DIS3L2: variants seen among roughly 807,000 people sequenced by gnomAD.
The protein encoded by DIS3L2 is DIS3 like 3'-5' exoribonuclease 2.
In DIS3L2, 34 loss-of-function variants were observed where a neutral mutation model predicts 97.5. The observed-to-expected ratio is 0.35, with a 90% CI of 0.27 to 0.46. The LOEUF is 0.46. Among genes scored for constraint, DIS3L2 ranks in the 20% least tolerant of loss-of-function variants. DIS3L2 has a pLI of 1.00. For synonymous variants in DIS3L2, 435 were observed against 445.2 expected (o/e 0.98, Z 0.29); for missense variants, 1,038 against 1,146.0 (o/e 0.91, Z 1.36).
chr2:231,963,323 GATA>G (rs1692621129), intron 1 of DIS3L2, among the ~76,000 whole-genome samples: 1 of 152,178 alleles, frequency 6.6e-6, no homozygotes, highest in African/African-American at 2.4e-5. Context: ...GCATTTCTCT[GATA>G]ATTAGTCATG....
downstream of DIS3L2, chr2:232,339,642 A>T: frequency 2.2e-6 from 1 of 447,378 alleles, no homozygotes; most frequent in South Asian, 1.6e-5. Flanking sequence ...TTCAGAGAAC[A>T]AGGCCTACAA....
rs760452178 is a variant in DIS3L2, at chr2:232,210,360, G to A, written c.1159G>A (p.Ala387Thr). 18 of 1,613,348 alleles carry A rather than the reference G, an allele frequency of 1.1e-5. No individual in the cohort carries two copies. Among genetic ancestry groups the A allele is most frequent in the East Asian group, 6.7e-5 (3 of 44,862 alleles). ...DCIFTIDPST[A>T]RDLDDALSCK... is the part of the protein sequence containing the mutation. ...TATCTTCACCATTGACCCATCAACC[G>A]CCCGAGACCTCGATGATGCCCTCTC... Residue 387 changes from alanine (A) to threonine (T), a missense_variant, in exon 10 of 21, where the codon GCC (alanine) becomes ACC (threonine). Transcript: ENST00000325385.
chr2:232,145,053 G>A (rs1381070065), intron 8 of DIS3L2, among the ~76,000 whole-genome samples: 1 of 152,050 alleles, frequency 6.6e-6, no homozygotes, highest in African/African-American at 2.4e-5. Context: ...CTGTATTTTT[G>A]GAAAGATTTT....
intron 10 of DIS3L2, among the ~76,000 whole-genome samples, chr2:232,212,613 T>C (rs1465128219): frequency 1.3e-5 from 2 of 152,160 alleles, no homozygotes; most frequent in Non-Finnish European, 2.9e-5. Flanking sequence ...TCAGACCAAA[T>C]AGTGTTTTTT....
rs1476864860 is a variant in DIS3L2 at position 232,293,295 on chromosome 2, G to A, written c.1660-6745G>A. Among the ~76,000 whole-genome samples the A allele has an allele frequency of 2.0e-5, 3 of 152,162 alleles. No homozygotes were observed. The highest frequency in any genetic ancestry group is 4.4e-5 in the Non-Finnish European group (3 of 68,044). On this transcript the variant is annotated intron_variant, in intron 13 of 20. Coordinates refer to ENST00000325385, the MANE Select transcript of DIS3L2 (RefSeq NM_152383.5). This position sits in a 1 kb window ranked among gnomAD's most constrained non-coding sequence, Gnocchi z 4.6. ...AGACGTGAGGCAGAATTTATTTACT[G>A]AAGAAAAAGAAATTATTTTGAAGGA... is the stretch of plus-strand genomic sequence containing the variant.
At chr2:232,257,936 G>T (rs149604741) in intron 12 of DIS3L2, among the ~76,000 whole-genome samples, 1 of 152,142 alleles carries the variant, frequency 6.6e-6, no homozygotes, top group East Asian at 1.9e-4. Flanking sequence ...GGTCTTGGCC[G>T]CCACTTAGGA....
At chr2:232,039,495 G>C (rs186800536) in intron 5 of DIS3L2, among the ~76,000 whole-genome samples, 6 of 152,230 alleles carry the variant, frequency 3.9e-5, no homozygotes, top group Non-Finnish European at 8.8e-5. Flanking sequence ...AAAAACAACA[G>C]TTCTTTTCGT....
intron 6 of DIS3L2, among the ~76,000 whole-genome samples, chr2:232,103,282 C>T (rs1161770752): frequency 2.0e-5 from 3 of 151,988 alleles, no homozygotes; most frequent in Non-Finnish European, 4.4e-5. Context: ...AACTGTGTTG[C>T]ATAATAGTGG....
chr2:232,169,411 C>G (rs1386729812), intron 9 of DIS3L2, among the ~76,000 whole-genome samples: 1 of 151,912 alleles, frequency 6.6e-6, no homozygotes, highest in Non-Finnish European at 1.5e-5. Context: ...CAACCAAGGG[C>G]CAGCCCCTGT....
intron 10 of DIS3L2, among the ~76,000 whole-genome samples, chr2:232,216,461 T>C (rs1257107552): frequency 6.6e-6 from 1 of 152,184 alleles, no homozygotes. Context: ...TGTGCCTGGT[T>C]TCCCCTTTCC....
intron 5 of DIS3L2, among the ~76,000 whole-genome samples, chr2:232,081,741 C>T (rs1036340274): frequency 6.6e-6 from 1 of 152,166 alleles, no homozygotes; most frequent in Non-Finnish European, 1.5e-5. Flanking sequence ...TTGTCCATTT[C>T]CTGCTCCAGA....
intron 8 of DIS3L2, among the ~76,000 whole-genome samples, chr2:232,138,605 A>C (rs1356531843): frequency 6.6e-6 from 1 of 152,136 alleles, no homozygotes; most frequent in Non-Finnish European, 1.5e-5. Context: ...TGTTCTGGTT[A>C]TCCGTTACTG....
intron 8 of DIS3L2, among the ~76,000 whole-genome samples, chr2:232,154,849 A>C (rs1331357099): frequency 1.2e-5 from 1 of 84,840 alleles, no homozygotes; most frequent in Admixed American, 1.4e-4. Context: ...GCTAGCAATC[A>C]GCGAGATTCC....
chr2:231,981,571 G>A (rs867813911), intron 1 of DIS3L2, among the ~76,000 whole-genome samples: 4 of 130,098 alleles, frequency 3.1e-5, no homozygotes, highest in Admixed American at 8.6e-5. Context: ...TAATGGGAAT[G>A]TCAGTAATGT....
chr2:232,308,116 G>C (rs1002300779), intron 14 of DIS3L2, among the ~76,000 whole-genome samples: 18 of 152,376 alleles, frequency 1.2e-4, no homozygotes, highest in Admixed American at 1.1e-3. Flanking sequence ...GGTTAGGCCA[G>C]TCACGCTGCT....
rs2106358440 is a variant in DIS3L2 at position 232,337,182 on chromosome 2, T to C, written c.*552T>C. The C allele has an allele frequency of 5.0e-6, 5 of 996,120 alleles. No individual in the cohort carries two copies. The highest frequency in any genetic ancestry group is 6.0e-6 in the Non-Finnish European group (5 of 838,032). The allele number at this position is 996,120 out of a possible 1,614,324, so 61.7% of individuals were successfully genotyped here. A position where few individuals can be genotyped will look rare whatever the true frequency, so the allele number is the denominator to read the frequency against. The stretch of plus-strand genomic sequence containing the variant: ...TCATTCTGCCTGATTAAAAATGGAA[T>C]TAGTATGCAACACTGAGAGCGCCCC... On this transcript the variant is annotated 3_prime_UTR_variant, in exon 21 of 21. Transcript: ENST00000325385.
At chr2:232,143,502 C>A (rs910775162) in intron 8 of DIS3L2, among the ~76,000 whole-genome samples, 3 of 152,052 alleles carry the variant, frequency 2.0e-5, no homozygotes, top group African/African-American at 7.2e-5. Flanking sequence ...ACAAACATTT[C>A]TAAATTTTAT....
At chr2:231,962,343 C>T (rs1196709302) in intron 1 of DIS3L2, among the ~76,000 whole-genome samples, 1 of 151,780 alleles carries the variant, frequency 6.6e-6, no homozygotes, top group Non-Finnish European at 1.5e-5. Context: ...GTATATTGCA[C>T]CCAGGTATTG....
At chr2:232,164,316 C>A (rs1690740318) in intron 9 of DIS3L2, among the ~76,000 whole-genome samples, 1 of 152,210 alleles carries the variant, frequency 6.6e-6, no homozygotes, top group African/African-American at 2.4e-5. Flanking sequence ...TTTATAACAA[C>A]ATCTTCTTTG....
Sources: gnomAD v4.1 joint callset for allele counts (sites outside exome capture counted in the v4.1 genomes callset) on GRCh38, gnomAD v4.1.1 for gene constraint, Gnocchi (gnomAD v3.1) non-coding constraint, MANE v1.5 for transcripts, NCBI Gene and HGNC (gene_info 2026-07-23, HGNC 2026-07-21) for gene names.